ALPK2: variants seen among roughly 807,000 people sequenced by gnomAD.
The protein encoded by ALPK2 is alpha kinase 2.
ALPK2 carries 127 observed loss-of-function variants against 163.1 expected under a neutral mutation model. The observed-to-expected ratio is 0.78, with a 90% CI of 0.67 to 0.90. The LOEUF (loss-of-function observed/expected upper bound fraction) is 0.90. ALPK2 is among the 40% of genes least tolerant of loss of function. The pLI is 0.00. For synonymous variants in ALPK2, 953 were observed against 959.1 expected (o/e 0.99, Z 0.12); for missense variants, 2,360 against 2,589.6 (o/e 0.91, Z 1.92).
At position 58,534,874 on chromosome 18, in the gene ALPK2, T is replaced by C. The variant is rs752091166; in HGVS notation, c.5313A>G (p.Lys1771=). Residue 1771 remains lysine, a synonymous_variant, in exon 5 of 13, where the codon AAA becomes AAG. Transcript: ENST00000361673. ...TGCAAGATGGCTTTTTTGGGTCTTG[T>C]TTCTCTTCTGTGTGTGATAATGATG... The part of the protein sequence containing the change: ...LETSLSHTEE[K]QDPKKPSCKR... The C allele has an allele frequency of 6.2e-7, 1 of 1,612,568 alleles. No individual in the cohort carries two copies. Among genetic ancestry groups the C allele is most frequent in the South Asian group, 1.1e-5 (1 of 90,722 alleles).
intron 5 of ALPK2, among the ~76,000 whole-genome samples, chr18:58,531,830 C>T (rs34662875): frequency 0.14 from 20,239 of 142,100 alleles, 1,817 homozygotes; most frequent in Non-Finnish European, 0.2. Flanking sequence ...CCCAGCTACT[C>T]GGGAGGCTGA....
At chr18:58,625,364 G>T (rs993332859) in intron 1 of ALPK2, among the ~76,000 whole-genome samples, 1 of 152,212 alleles carries the variant, frequency 6.6e-6, no homozygotes, top group Non-Finnish European at 1.5e-5. Context: ...CACCCCCTGA[G>T]AAGTAAGGAA....
intron 5 of ALPK2, among the ~76,000 whole-genome samples, chr18:58,533,474 G>C (rs4940402): frequency 0.41 from 61,978 of 149,920 alleles, 13,878 homozygotes; most frequent in Non-Finnish European, 0.51. Flanking sequence ...TTTGAGACAG[G>C]GTCTTGCTCT....
chr18:58,497,325 G>C (rs2051405815), intron 12 of ALPK2, among the ~76,000 whole-genome samples: 1 of 152,186 alleles, frequency 6.6e-6, no homozygotes, highest in Non-Finnish European at 1.5e-5. Flanking sequence ...GCAGGAGTGG[G>C]CAAAGGCGAT....
chr18:58,595,681 G>C (rs1295393384), intron 3 of ALPK2, among the ~76,000 whole-genome samples: 1 of 152,106 alleles, frequency 6.6e-6, no homozygotes, highest in East Asian at 1.9e-4. Context: ...ATTTTTTAGG[G>C]GTGGGATATA....
At chr18:58,493,064 C>T (rs1001875565) in intron 12 of ALPK2, among the ~76,000 whole-genome samples, 5 of 152,300 alleles carry the variant, frequency 3.3e-5, no homozygotes, top group Admixed American at 3.3e-4. Context: ...ACAGAATGGG[C>T]TGACCGGATG....
intron 1 of ALPK2, among the ~76,000 whole-genome samples, chr18:58,616,400 G>A (rs977213563): frequency 3.3e-5 from 5 of 152,144 alleles, no homozygotes; most frequent in Non-Finnish European, 7.3e-5. Flanking sequence ...CCTCATTCCT[G>A]CCTCTTACTC....
rs758557810 is a variant in ALPK2, at chr18:58,537,996, CAGGTATGTTGCCATCTCT to C, written c.2173_2190del (p.Arg725_Pro730del). On this transcript the variant is annotated inframe_deletion, in exon 5 of 13. Transcript: ENST00000361673. ...TATTTTAGGTCTTCCCTGAAATTGT[CAGGTATGTTGCCATCTCT>C]GTCTTGTTTTTCTTCATGCTGTGGA... 1 of 1,614,200 alleles carries C rather than the reference CAGGTATGTTGCCATCTCT, an allele frequency of 6.2e-7. No homozygotes were observed. Among genetic ancestry groups the C allele is most frequent in the Non-Finnish European group, 8.5e-7 (1 of 1,180,026 alleles).
chr18:58,569,203 G>A (rs373029517), intron 4 of ALPK2, among the ~76,000 whole-genome samples: 3 of 152,122 alleles, frequency 2.0e-5, no homozygotes, highest in Non-Finnish European at 2.9e-5. Context: ...CCCAGTCTTG[G>A]GGGGGAGAAA....
At chr18:58,626,898 CAGA>C (rs2052233654) in intron 1 of ALPK2, among the ~76,000 whole-genome samples, 2 of 148,620 alleles carry the variant, frequency 1.3e-5, no homozygotes, top group Non-Finnish European at 3.0e-5. Context: ...AAAAAAAAGA[CAGA>C]AGCTTTTAAT....
chr18:58,607,291 G>C (rs1266951867), intron 3 of ALPK2, 31 bp downstream of exon 3: 1 of 1,471,812 alleles, frequency 6.8e-7, no homozygotes, highest in African/African-American at 1.4e-5. Flanking sequence ...AAGGATATTA[G>C]TAAACAGTCC....
rs773675659 is a variant in ALPK2 at position 58,537,720 on chromosome 18, C to A, written c.2467G>T (p.Val823Phe). 1.9e-6 allele frequency: 3 copies of A among 1,614,152 alleles called. No homozygotes were observed. Among genetic ancestry groups the A allele is most frequent in the Admixed American group, 3.3e-5 (2 of 60,022 alleles). The stretch of plus-strand genomic sequence containing the variant: ...GAATATTTATCAACTGGTCTCCCAA[C>A]AAGAGAATCTATGGTATCAAAACAC... The part of the protein sequence containing the change: ...GTCFDTIDSL[V>F]GRPVDKYSPQ... The change falls in exon 5 of 13, where the codon GTT becomes TTT. Residue 823 changes from valine (V) to phenylalanine (F), a missense_variant. Coordinates refer to ENST00000361673, the MANE Select transcript of ALPK2 (RefSeq NM_052947.4).
intron 10 of ALPK2, among the ~76,000 whole-genome samples, chr18:58,505,680 G>T (rs759711288): frequency 6.6e-6 from 1 of 152,026 alleles, no homozygotes; most frequent in South Asian, 2.1e-4. Context: ...ATTCGACATC[G>T]AAACGCAAAT....
chr18:58,593,553 G>C (rs1568095961), intron 3 of ALPK2, among the ~76,000 whole-genome samples: 1 of 116,020 alleles, frequency 8.6e-6, no homozygotes, highest in Admixed American at 1.0e-4. Flanking sequence ...GACAGGAAGG[G>C]ACTCTGTCTC....
chr18:58,540,946 T>A (rs893330925), intron 4 of ALPK2, among the ~76,000 whole-genome samples: 1 of 152,252 alleles, frequency 6.6e-6, no homozygotes, highest in Non-Finnish European at 1.5e-5. Flanking sequence ...TAGAAGAGAC[T>A]GACCTCTGAA....
intron 4 of ALPK2, among the ~76,000 whole-genome samples, chr18:58,566,032 C>T (rs1242588228): frequency 3.9e-5 from 6 of 152,154 alleles, no homozygotes; most frequent in Non-Finnish European, 7.3e-5. Flanking sequence ...CCACCTGCCT[C>T]GGGCTCCCAA....
Position 58,534,879 on chromosome 18 carries a change from C to A in ALPK2, c.5308G>T (p.Glu1770Ter). Residue 1770 changes from glutamate to a stop codon, truncating the protein, a stop_gained, in exon 5 of 13, where the codon GAG becomes TAG. Transcript: ENST00000361673. LOFTEE classifies it high-confidence loss of function. ...GATGGCTTTTTTGGGTCTTGTTTCT[C>A]TTCTGTGTGTGATAATGATGTTTCG... is the stretch of plus-strand genomic sequence containing the variant. ...KLETSLSHTE[E>*]KQDPKKPSCK... The A allele has an allele frequency of 6.2e-7, 1 of 1,613,544 alleles. No individual in the cohort carries two copies. The highest frequency in any genetic ancestry group is 8.5e-7 in the Non-Finnish European group (1 of 1,179,906).
chr18:58,560,712 T>G (rs950266146), intron 4 of ALPK2, among the ~76,000 whole-genome samples: 1 of 152,260 alleles, frequency 6.6e-6, no homozygotes, highest in Non-Finnish European at 1.5e-5. Context: ...GGAATTATTC[T>G]GCATACCATA....
chr18:58,613,337 T>C (rs889189588), intron 1 of ALPK2, among the ~76,000 whole-genome samples: 2 of 151,796 alleles, frequency 1.3e-5, no homozygotes, highest in African/African-American at 4.8e-5. Context: ...AAGATGAAAA[T>C]GAGGGGTTCT....
Sources: allele counts gnomAD v4.1 joint callset (sites outside exome capture counted in the v4.1 genomes callset), GRCh38; gene constraint gnomAD v4.1.1; transcripts MANE v1.5; gene names NCBI Gene and HGNC (gene_info 2026-07-23, HGNC 2026-07-21).